DOK6: variants seen among roughly 807,000 people sequenced by gnomAD.
The protein encoded by DOK6 is docking protein 6.
DOK6 carries 22 observed loss-of-function variants against 44.0 expected under a neutral mutation model. The ratio of observed to expected loss-of-function variants is 0.50; its 90% CI spans 0.36 to 0.71. DOK6 has a LOEUF of 0.71. DOK6 is among the 30% of genes least tolerant of loss of function. DOK6 has a pLI of 0.00. For synonymous variants in DOK6, 166 were observed against 145.5 expected (o/e 1.14, Z -1.01); for missense variants, 340 against 416.4 (o/e 0.82, Z 1.60).
At chr18:69,713,821 A>T (rs931520146) in intron 5 of DOK6, among the ~76,000 whole-genome samples, 2 of 152,170 alleles carry the variant, frequency 1.3e-5, no homozygotes, top group African/African-American at 4.8e-5. Context: ...AGGATGGTAG[A>T]TCTGCATTGG....
intron 1 of DOK6, among the ~76,000 whole-genome samples, chr18:69,459,088 TC>T (rs1246824468): frequency 1.3e-5 from 1 of 78,156 alleles, no homozygotes; most frequent in African/African-American, 5.1e-5. Context: ...AGAGCGAGAC[TC>T]CCCCCAACAA....
At chr18:69,800,929 T>A (rs1980885620) in intron 7 of DOK6, among the ~76,000 whole-genome samples, 1 of 152,156 alleles carries the variant, frequency 6.6e-6, no homozygotes, top group African/African-American at 2.4e-5. Flanking sequence ...TTCTTCTGAG[T>A]AAAATAATGC....
At chr18:69,414,539 C>A (rs1463165977) in intron 1 of DOK6, among the ~76,000 whole-genome samples, 2 of 151,892 alleles carry the variant, frequency 1.3e-5, no homozygotes, top group Non-Finnish European at 2.9e-5. Context: ...AAATGAAGAA[C>A]AGGTTGGTAG....
At chr18:69,801,292 C>A (rs1193246868) in intron 7 of DOK6, among the ~76,000 whole-genome samples, 1 of 152,092 alleles carries the variant, frequency 6.6e-6, no homozygotes, top group East Asian at 1.9e-4. Context: ...ATTAATATAA[C>A]CAACACTCAT....
intron 1 of DOK6, among the ~76,000 whole-genome samples, chr18:69,402,914 G>T (rs1916131252): frequency 6.6e-6 from 1 of 152,176 alleles, no homozygotes; most frequent in South Asian, 2.1e-4. Flanking sequence ...CAGGAGTCTG[G>T]TTGTTCCTCG....
At chr18:69,408,422 T>A (rs1287517733) in intron 1 of DOK6, among the ~76,000 whole-genome samples, 1 of 146,680 alleles carries the variant, frequency 6.8e-6, no homozygotes, top group African/African-American at 2.6e-5. Flanking sequence ...AAACACAAAT[T>A]CACTAACCTC....
At chr18:69,425,456 T>C (rs1473088742) in intron 1 of DOK6, among the ~76,000 whole-genome samples, 1 of 151,932 alleles carries the variant, frequency 6.6e-6, no homozygotes, top group East Asian at 1.9e-4. Flanking sequence ...TTTTTCCCTG[T>C]TTTTCATTAT....
chr18:69,579,068 A>C (rs1228165227), intron 2 of DOK6, among the ~76,000 whole-genome samples: 1 of 152,220 alleles, frequency 6.6e-6, no homozygotes, highest in African/African-American at 2.4e-5. Flanking sequence ...ATTTGAGAGC[A>C]GGTCCTTAAC....
At chr18:69,722,909 T>C (rs1380388162) in intron 5 of DOK6, among the ~76,000 whole-genome samples, 1 of 152,128 alleles carries the variant, frequency 6.6e-6, no homozygotes, top group Non-Finnish European at 1.5e-5. Flanking sequence ...CTAAAGAAAT[T>C]AGAAATATTC....
intron 2 of DOK6, among the ~76,000 whole-genome samples, chr18:69,571,421 A>T (rs1983112429): frequency 6.6e-6 from 1 of 152,072 alleles, no homozygotes; most frequent in Non-Finnish European, 1.5e-5. Context: ...GTTAGTAAAC[A>T]TTCCAATTAA....
intron 1 of DOK6, among the ~76,000 whole-genome samples, chr18:69,509,105 T>C (rs1391024490): frequency 1.3e-5 from 2 of 152,194 alleles, no homozygotes; most frequent in Admixed American, 6.5e-5. Context: ...CCATCACCAG[T>C]GGTAAGACAC....
chr18:69,704,693 A>G (rs1302044110), intron 5 of DOK6, among the ~76,000 whole-genome samples: 3 of 151,978 alleles, frequency 2.0e-5, no homozygotes, highest in African/African-American at 7.3e-5. Flanking sequence ...GTTAGCCAAG[A>G]TGGTCTCCAT....
chr18:69,820,402 GTAATACACAC>G (rs1981534799), intron 7 of DOK6, among the ~76,000 whole-genome samples: 2 of 152,138 alleles, frequency 1.3e-5, no homozygotes, highest in Admixed American at 1.3e-4. Flanking sequence ...ATTTTTCCTA[GTAATACACAC>G]CAGTGGACTT....
rs550751795 is a variant in DOK6, at chr18:69,649,586, G to A, written c.290-28148G>A. ...TTCTGCATCCCCCTTCTTAAAGATAGTGGAGTCTTAACAGACTTTATAATT... is the reference window on the plus strand; with the variant it reads ...TTCTGCATCCCCCTTCTTAAAGATAATGGAGTCTTAACAGACTTTATAATT... On this transcript the variant is annotated intron_variant, in intron 3 of 7. Transcript: ENST00000382713. Among the ~76,000 whole-genome samples, 8 of 152,248 alleles carry A rather than the reference G, an allele frequency of 5.3e-5. No homozygotes were observed. In the East Asian group the frequency reaches 1.4e-3, roughly 26 times the overall value.
chr18:69,477,238 AG>A (rs2144527292), intron 1 of DOK6, among the ~76,000 whole-genome samples: 1 of 152,316 alleles, frequency 6.6e-6, no homozygotes, highest in African/African-American at 2.4e-5. Flanking sequence ...TCAGCCCACA[AG>A]TGTGGAAGCA....
At chr18:69,790,331 C>G (rs1177199882) in intron 7 of DOK6, among the ~76,000 whole-genome samples, 1 of 152,100 alleles carries the variant, frequency 6.6e-6, no homozygotes, top group Admixed American at 6.6e-5. Context: ...GGCTTAAAAC[C>G]TATGATGGGT....
intron 3 of DOK6, among the ~76,000 whole-genome samples, chr18:69,601,929 G>C (rs527660220): frequency 1.3e-5 from 2 of 152,204 alleles, no homozygotes; most frequent in South Asian, 2.1e-4. Context: ...GGAACAATTT[G>C]AATACTAAAA....
chr18:69,547,543 C>T lies in DOK6; in HGVS notation c.67-16944C>T, dbSNP rs1344104838. On this transcript the variant is annotated intron_variant, in intron 1 of 7. Coordinates refer to ENST00000382713, the MANE Select transcript of DOK6 (RefSeq NM_152721.6). ...CCAGCAGGCCTCACCTCCAACAGTG[C>T]GGATTACATTTTAACATGAGATTTG... Among the ~76,000 whole-genome samples the T allele has an allele frequency of 3.3e-5, 5 of 151,448 alleles. 1 individual carries two copies. The highest frequency in any genetic ancestry group is 7.4e-5 in the Non-Finnish European group (5 of 67,712).
At chr18:69,719,702 A>G (rs1986963372) in intron 5 of DOK6, among the ~76,000 whole-genome samples, 1 of 152,190 alleles carries the variant, frequency 6.6e-6, no homozygotes, top group African/African-American at 2.4e-5. Context: ...TTAAAGTTAA[A>G]CTATAAACTA....
Sources: allele counts gnomAD v4.1 joint callset (sites outside exome capture counted in the v4.1 genomes callset), GRCh38; gene constraint gnomAD v4.1.1; transcripts MANE v1.5; gene names NCBI Gene and HGNC (gene_info 2026-07-23, HGNC 2026-07-21).